Variants in TRDN observed in about 807,000 individuals in gnomAD.
TRDN encodes triadin.
Under a neutral mutation model 149.7 loss-of-function variants are expected in TRDN, and 161 were observed. The ratio of observed to expected loss-of-function variants is 1.08; its 90% CI spans 0.95 to 1.23. The LOEUF (loss-of-function observed/expected upper bound fraction) is 1.23, where lower values mean the gene tolerates loss of function less well. Among genes scored for constraint, TRDN ranks in the 50% most tolerant of loss-of-function variants. TRDN has a pLI of 0.00. For missense variants in TRDN, 896 were observed against 823.5 expected, an observed-to-expected ratio of 1.09 and a Z score of -1.08; for synonymous variants, 294 against 250.5, an observed-to-expected ratio of 1.17 and a Z score of -1.64.
chr6:123,316,336 T>G (rs1779020048), intron 24 of TRDN, 121 bp downstream of exon 24: 2 of 923,668 alleles, frequency 2.2e-6, no homozygotes, highest in East Asian at 5.1e-5. Context: ...GCATCAGTAT[T>G]TTTTTAATGT....
chr6:123,538,356 TTAAA>T (rs1285244457), intron 4 of TRDN, among the ~76,000 whole-genome samples: 1 of 152,184 alleles, frequency 6.6e-6, no homozygotes, highest in African/African-American at 2.4e-5. Flanking sequence ...TAGTGGCTAA[TTAAA>T]TAATGCCAAA....
chr6:123,296,993 T>C (rs910832646), intron 24 of TRDN, among the ~76,000 whole-genome samples: 6 of 152,080 alleles, frequency 3.9e-5, no homozygotes, highest in Non-Finnish European at 7.4e-5. Flanking sequence ...ATTTATGGTG[T>C]TTTTTATTTT....
chr6:123,608,444 T>C (rs1214724911), intron 1 of TRDN, among the ~76,000 whole-genome samples: 1 of 152,098 alleles, frequency 6.6e-6, no homozygotes, highest in Admixed American at 6.5e-5. Flanking sequence ...AATATCTTAG[T>C]GAAAAAATGA....
intron 6 of TRDN, among the ~76,000 whole-genome samples, chr6:123,515,386 TAAC>T (rs1779368114): frequency 6.6e-6 from 1 of 152,006 alleles, no homozygotes; most frequent in African/African-American, 2.4e-5. Context: ...CTTTAACAAT[TAAC>T]TAGATTATCA....
At chr6:123,363,534 G>A (rs1350703387) in intron 20 of TRDN, among the ~76,000 whole-genome samples, 5 of 152,138 alleles carry the variant, frequency 3.3e-5, no homozygotes, top group Admixed American at 2.0e-4. Flanking sequence ...ATTGAGAATT[G>A]GGGTATGAGA....
rs1402361255 is a variant in TRDN, at chr6:123,388,522, C to T, written c.1135G>A (p.Asp379Asn). ...CAGTGGGATTTTGCATAAAACATAC[C>T]TTCCTTCTTTTCATCCTTCTTAGCT... is the stretch of plus-strand genomic sequence containing the variant. Reference protein sequence around the residue: ...AAAKKDEKKEDSKKTKKPAEV... With the variant: ...AAAKKDEKKENSKKTKKPAEV... The change falls in exon 14 of 41, where the codon GAT becomes AAT. Residue 379 changes from aspartate to asparagine, a missense_variant and splice_region_variant. Transcript: ENST00000334268. 2 of 1,586,870 alleles carry T rather than the reference C, an allele frequency of 1.3e-6. No homozygotes were observed. Among genetic ancestry groups the T allele is most frequent in the Admixed American group, 3.6e-5 (2 of 56,286 alleles).
intron 19 of TRDN, among the ~76,000 whole-genome samples, chr6:123,367,740 C>T (rs1024975134): frequency 3.9e-5 from 6 of 152,150 alleles, no homozygotes; most frequent in South Asian, 2.1e-4. Flanking sequence ...TTCAGTATGT[C>T]GGAGGCATAT....
At chr6:123,558,238 T>C (rs1781787306) in intron 2 of TRDN, among the ~76,000 whole-genome samples, 1 of 152,020 alleles carries the variant, frequency 6.6e-6, no homozygotes, top group Non-Finnish European at 1.5e-5. Context: ...GTCTTTCCTC[T>C]TTCCAATCTT....
At chr6:123,358,144 T>C (rs1429689148) in intron 20 of TRDN, among the ~76,000 whole-genome samples, 1 of 152,144 alleles carries the variant, frequency 6.6e-6, no homozygotes, top group Non-Finnish European at 1.5e-5. Flanking sequence ...TAGTGCTGAG[T>C]GAAGAAATTC....
intron 13 of TRDN, among the ~76,000 whole-genome samples, chr6:123,393,171 G>A (rs981678822): frequency 5.3e-5 from 8 of 151,900 alleles, no homozygotes; most frequent in African/African-American, 1.7e-4. Context: ...TAATTATTTT[G>A]TAGCCATATC....
At chr6:123,408,711 C>T (rs1435241375) in intron 12 of TRDN, among the ~76,000 whole-genome samples, 3 of 151,146 alleles carry the variant, frequency 2.0e-5, no homozygotes, top group African/African-American at 4.9e-5. Flanking sequence ...TGGCAACATA[C>T]GTATATAAAT....
intron 24 of TRDN, among the ~76,000 whole-genome samples, chr6:123,311,856 AG>A (rs1381223557): frequency 7.2e-5 from 11 of 152,046 alleles, no homozygotes; most frequent in Non-Finnish European, 1.3e-4. Flanking sequence ...GATGTATGAC[AG>A]CGTCAATCAA....
At chr6:123,334,243 G>A (rs1779779281) in intron 22 of TRDN, among the ~76,000 whole-genome samples, 1 of 152,050 alleles carries the variant, frequency 6.6e-6, no homozygotes, top group Non-Finnish European at 1.5e-5. Context: ...AGTAAAAGAA[G>A]ATCAGTTCTG....
intron 1 of TRDN, among the ~76,000 whole-genome samples, chr6:123,599,358 A>G (rs1160756317): frequency 6.6e-6 from 1 of 152,080 alleles, no homozygotes; most frequent in African/African-American, 2.4e-5. Flanking sequence ...GAGCCTTTAC[A>G]TTGCAAAGTA....
intron 1 of TRDN, among the ~76,000 whole-genome samples, chr6:123,616,436 T>A (rs565556907): frequency 1.1e-4 from 17 of 152,136 alleles, no homozygotes; most frequent in Non-Finnish European, 2.1e-4. Context: ...CTTCATGCAG[T>A]GTCTGATATG....
At chr6:123,380,921 T>C (rs1347346324) in intron 16 of TRDN, among the ~76,000 whole-genome samples, 2 of 151,954 alleles carry the variant, frequency 1.3e-5, no homozygotes, top group Non-Finnish European at 2.9e-5. Flanking sequence ...AATTATGTTA[T>C]GGGAAAAATG....
intron 22 of TRDN, among the ~76,000 whole-genome samples, chr6:123,334,444 C>G (rs1444505622): frequency 6.6e-6 from 1 of 151,984 alleles, no homozygotes; most frequent in Non-Finnish European, 1.5e-5. Flanking sequence ...GTTTCTCAGT[C>G]CGTAGGTGAA....
chr6:123,425,232 GGTGTGTGTGTGTGTGTGTGTGTGTGTGT>G (rs60065532), intron 12 of TRDN, among the ~76,000 whole-genome samples: 3 of 138,718 alleles, frequency 2.2e-5, no homozygotes, highest in African/African-American at 5.4e-5. Context: ...CAGAGGTAGA[GGTGTGTGTGTGTGTGTGTGTGTGTGTGT>G]GTGTGTGTGT....
chr6:123,305,818 G>A (rs1778587018), intron 24 of TRDN, among the ~76,000 whole-genome samples: 1 of 152,118 alleles, frequency 6.6e-6, no homozygotes, highest in Admixed American at 6.6e-5. Context: ...TGTACTGTGA[G>A]CAGCTCTGAC....
Sources: gnomAD v4.1 joint callset for allele counts (sites outside exome capture counted in the v4.1 genomes callset) on GRCh38, gnomAD v4.1.1 for gene constraint, MANE v1.5 for transcripts, NCBI Gene and HGNC (gene_info 2026-07-23, HGNC 2026-07-21) for gene names.